The following MUC5B variants were observed in gnomAD, a reference collection of about 807,000 sequenced individuals.
MUC5B encodes the protein mucin 5B, oligomeric mucus/gel-forming.
A neutral mutation model predicts 376.9 loss-of-function variants in MUC5B; 116 were observed. The observed-to-expected ratio is 0.31, with a 90% CI of 0.26 to 0.36. The LOEUF is 0.36. Among genes scored for constraint, MUC5B ranks in the 10% least tolerant of loss-of-function variants. The pLI is 1.00. For missense variants in MUC5B, 7,165 were observed against 7,769.9 expected, an observed-to-expected ratio of 0.92 and a Z score of 2.93; for synonymous variants, 3,517 against 3,390.9, an observed-to-expected ratio of 1.04 and a Z score of -1.29.
chr11:1,241,331 C>G lies in MUC5B; in HGVS notation c.4451C>G (p.Thr1484Ser), dbSNP rs1258679617. ...IRSTAALTSQ[T>S]GSSSGPVTVT... ...TCGACGGCGGCCCTCACCTCGCAGA[C>G]TGGGTCCAGCTCAGGCCCCGTGACG... The change falls in exon 31 of 49, where the codon ACT becomes AGT. Residue 1484 changes from threonine to serine, a missense_variant. Physicochemically the swap from Thr to Ser is moderately conservative, Grantham distance 58. This residue lies in a region of MUC5B where 517 missense variants were observed against 545.3 expected (regional missense o/e 0.95). Transcript: ENST00000529681. 4.3e-6 allele frequency: 7 copies of G among 1,610,234 alleles called. No homozygotes were observed. Among genetic ancestry groups the G allele is most frequent in the Non-Finnish European group, 5.9e-6 (7 of 1,178,248 alleles).
Position 1,254,119 on chromosome 11 carries a change from A to T in MUC5B, c.15245A>T (p.His5082Leu). The change falls in exon 34 of 49, where the codon CAC (histidine) becomes CTC (leucine). Residue 5082 changes from histidine (H) to leucine (L), a missense_variant. Physicochemically the swap from His to Leu is moderately conservative, Grantham distance 99 (BLOSUM62 -3). Around this residue, in one of 31 missense-constraint regions of MUC5B, gnomAD observed 842 missense variants for 1,016.9 expected, o/e 0.83. Transcript: ENST00000529681. ...ATCTGCAGCATGTGGGGCGGCTCCCACTATTCCACCTTTGACGGCACCTCT... is the reference window on the plus strand; with the variant it reads ...ATCTGCAGCATGTGGGGCGGCTCCCTCTATTCCACCTTTGACGGCACCTCT... The part of the protein sequence containing the change: ...ECICSMWGGS[H>L]YSTFDGTSYT... The T allele has an allele frequency of 6.2e-7, 1 of 1,612,518 alleles. No homozygotes were observed. The highest frequency in any genetic ancestry group is 1.1e-5 in the South Asian group (1 of 91,078).
At chr11:1,252,291 G>A in intron 31 of MUC5B, 52 bp from the exon 32 acceptor site, 2 of 1,499,240 alleles carry the variant, frequency 1.3e-6, no homozygotes, top group Non-Finnish European at 1.8e-6. Context: ...CAGAACTCTG[G>A]CTTACCCATC....
In MUC5B at chr11:1,227,312, A is replaced by G. The variant is rs760074740; in HGVS notation, c.581A>G (p.Glu194Gly). 18 of 1,612,326 alleles carry G rather than the reference A, an allele frequency of 1.1e-5. No homozygotes were observed. Among genetic ancestry groups the G allele is most frequent in the Non-Finnish European group, 1.4e-5 (16 of 1,179,586 alleles). Residue 194 changes from glutamate (E) to glycine (G), a missense_variant, in exon 6 of 49, where the codon GAG becomes GGG. Physicochemically the swap from Glu to Gly is moderately conservative, Grantham distance 98. Coordinates refer to ENST00000529681, the MANE Select transcript of MUC5B (RefSeq NM_002458.3). ...LWNGEDSALL[E>G]LDPKYANQTC... Reference sequence around the variant, plus strand: ...GCTGCCCCTCCCCACTCTCAGCTGGAGCTGGATCCCAAATACGCCAACCAG... The same window carrying G: ...GCTGCCCCTCCCCACTCTCAGCTGGGGCTGGATCCCAAATACGCCAACCAG...
At chr11:1,232,318 C>A (rs1271433447) in intron 15 of MUC5B, 132 bp from the exon 16 acceptor site, 16 of 1,332,262 alleles carry the variant, frequency 1.2e-5, no homozygotes, top group Non-Finnish European at 1.6e-5. Flanking sequence ...GCGGCCAGAA[C>A]CCCCCAAGGC....
At chr11:1,232,235 G>A (rs982991649) in intron 15 of MUC5B, 75 bp downstream of exon 15, 23 of 1,473,138 alleles carry the variant, frequency 1.6e-5, no homozygotes, top group African/African-American at 7.0e-5. Flanking sequence ...CCTGGGCCAC[G>A]GGGACCCCTG....
In MUC5B at chr11:1,256,214, C is replaced by T. The variant is rs752130273; in HGVS notation, c.16125C>T (p.Thr5375=). The T allele has an allele frequency of 1.4e-6, 1 of 730,182 alleles. No homozygotes were observed. The highest frequency in any genetic ancestry group is 1.5e-5 in the South Asian group (1 of 68,382). The allele number at this position is 730,182 out of a possible 1,614,324, so 45.2% of individuals were successfully genotyped here. A position where few individuals can be genotyped will look rare whatever the true frequency, so the allele number is the denominator to read the frequency against. ...CATGCGGCCCCATACAGCCTGCCAC[C>T]TGCAACTCTAGGTAAGTACAGGGAT... ...YKPCGPIQPA[T]CNSRNQSPQL... The change falls in exon 38 of 49, where the codon ACC becomes ACT. Residue 5375 remains threonine, a synonymous_variant. Coordinates refer to ENST00000529681, the MANE Select transcript of MUC5B (RefSeq NM_002458.3).
At position 1,228,531 on chromosome 11, in the gene MUC5B, G is replaced by A; in HGVS notation, c.775-33G>A. 2.7e-6 allele frequency: 4 copies of A among 1,486,716 alleles called. No individual in the cohort carries two copies. The South Asian group carries it at 5.1e-5, about 19-fold the overall frequency. 92.1% of individuals were successfully genotyped at this position (1,486,716 alleles called of 1,614,324 possible). A position where few individuals can be genotyped will look rare whatever the true frequency, so the allele number is the denominator to read the frequency against. ...ACCGTGGCAGCCCCCATGGATGGCA[G>A]GGGTGCCCAGCCTGGCCCACTGTGC... On this transcript the variant is annotated intron_variant, in intron 7 of 48. Coordinates refer to ENST00000529681, the MANE Select transcript of MUC5B (RefSeq NM_002458.3).
Position 1,239,820 on chromosome 11 carries a change from C to G in MUC5B, c.3605C>G (p.Pro1202Arg). Residue 1202 changes from proline to arginine, a missense_variant, in exon 28 of 49, where the codon CCC (proline) becomes CGC (arginine). Pro to Arg is a moderately radical substitution (Grantham distance 103). Coordinates refer to ENST00000529681, the MANE Select transcript of MUC5B (RefSeq NM_002458.3). The stretch of plus-strand genomic sequence containing the variant: ...CTAGGCTGCTACCCGAAGTGCCCAC[C>G]CAGCCAGCCCTTCTTCAATGAGGAC... Reference protein sequence around the residue: ...GLEGCYPKCPPSQPFFNEDQM... With the variant: ...GLEGCYPKCPRSQPFFNEDQM... 1 of 1,611,842 alleles carries G rather than the reference C, an allele frequency of 6.2e-7. No homozygotes were observed. The highest frequency in any genetic ancestry group is 8.5e-7 in the Non-Finnish European group (1 of 1,179,148).
chr11:1,233,065 T>A lies in MUC5B; in HGVS notation c.2118T>A (p.Asp706Glu), dbSNP rs201270236. 7.2e-5 allele frequency: 115 copies of A among 1,606,020 alleles called. 1 individual carries two copies. The African/African-American group carries it at 1.3e-3, about 18-fold the overall frequency. The change falls in exon 18 of 49, where the codon GAT becomes GAA. Residue 706 changes from aspartate (D) to glutamate (E), a missense_variant. This residue lies in a region of MUC5B where 530 missense variants were observed against 604.0 expected (regional missense o/e 0.88). Transcript: ENST00000529681. ...CCCAGCGCTACGCCTACGTGGTGGA[T>A]GCCTGCCAGCCCACTTGCCGCGGCC... ...PKSQRYAYVV[D>E]ACQPTCRGLS...
At chr11:1,230,205 C>T (rs1861991964) in intron 11 of MUC5B, 62 bp downstream of exon 11, 1 of 1,523,710 alleles carries the variant, frequency 6.6e-7, no homozygotes, top group Non-Finnish European at 8.8e-7. Context: ...ATGCCACTTC[C>T]ACCCAGGGGA....
At chr11:1,225,848 C>G in intron 2 of MUC5B, 111 bp downstream of exon 2, 1 of 1,051,080 alleles carries the variant, frequency 9.5e-7, no homozygotes, top group South Asian at 1.5e-5. Flanking sequence ...GACAGAGACC[C>G]TCCCTGGGTC....
Position 1,242,062 on chromosome 11 carries a change from C to T in MUC5B, c.5182C>T (p.Arg1728Cys), listed in dbSNP as rs373593113. 2.8e-5 allele frequency: 45 copies of T among 1,601,228 alleles called. No individual in the cohort carries two copies. The highest frequency in any genetic ancestry group is 5.2e-5 in the Admixed American group (3 of 57,266). ...APTTMATSRA[R>C]PTGTASTASK... ...AACAACAATGGCAACCTCCAGAGCT[C>T]GCCCGACAGGCACAGCCAGCACCGC... The change falls in exon 31 of 49, where the codon CGC becomes TGC. Residue 1728 changes from arginine to cysteine, a missense_variant. Arg to Cys is a radical substitution (Grantham distance 180, BLOSUM62 -3). Coordinates refer to ENST00000529681, the MANE Select transcript of MUC5B (RefSeq NM_002458.3).
intron 14 of MUC5B, 48 bp downstream of exon 14, chr11:1,231,608 C>A (rs1298853193): frequency 2.0e-6 from 3 of 1,524,178 alleles, no homozygotes; most frequent in East Asian, 2.5e-5. Flanking sequence ...GGGGACGGGG[C>A]CTGGACTAGC....
chr11:1,230,002 C>T lies in MUC5B; in HGVS notation c.1221-3C>T, dbSNP rs767545186. ...CGGTTCTGCTCACGGCCTCCCTCCC[C>T]AGCACCTGCTCCGGGGGGCTATGGC... On this transcript the variant is annotated splice_polypyrimidine_tract_variant and splice_region_variant and intron_variant, in intron 10 of 48. Transcript: ENST00000529681. 8.2e-6 allele frequency: 13 copies of T among 1,590,674 alleles called. No homozygotes were observed. The African/African-American group carries it at 1.2e-4, about 15-fold the overall frequency.
At chr11:1,240,129 G>C in intron 29 of MUC5B, 41 bp downstream of exon 29, 1 of 1,566,696 alleles carries the variant, frequency 6.4e-7, no homozygotes, top group Non-Finnish European at 8.7e-7. Context: ...GTGAAGGCTG[G>C]GGCCAGGGGC....
At chr11:1,232,974 C>T (rs368648508) in intron 17 of MUC5B, 39 bp from the exon 18 acceptor site, 27 of 1,521,302 alleles carry the variant, frequency 1.8e-5, no homozygotes, top group Non-Finnish European at 1.9e-5. Flanking sequence ...CCAGGCTGCT[C>T]GGCCGCTGAC....
chr11:1,233,879 G>T, intron 19 of MUC5B, 31 bp downstream of exon 19: 3 of 1,550,492 alleles, frequency 1.9e-6, no homozygotes, highest in Non-Finnish European at 1.7e-6. Flanking sequence ...GCCCTGCCCT[G>T]CCCCGCCCCG....
Position 1,241,936 on chromosome 11 carries a change from C to T in MUC5B, c.5056C>T (p.Pro1686Ser), listed in dbSNP as rs767233473. The T allele has an allele frequency of 9.3e-6, 15 of 1,607,350 alleles. No individual in the cohort carries two copies. The highest frequency in any genetic ancestry group is 1.3e-5 in the Non-Finnish European group (15 of 1,177,270). ...TPAGSTEPTV[P>S]GVATSTLPTR... ...TGCAGGCTCCACAGAACCCACTGTC[C>T]CAGGGGTGGCCACATCCACCCTTCC... The change falls in exon 31 of 49, where the codon CCA (proline) becomes TCA (serine). Residue 1686 changes from proline to serine, a missense_variant. Physicochemically the swap from Pro to Ser is moderately conservative, Grantham distance 74. Coordinates refer to ENST00000529681, the MANE Select transcript of MUC5B (RefSeq NM_002458.3).
At position 1,232,442 on chromosome 11, in the gene MUC5B, C is replaced by T; in HGVS notation, c.1844-8C>T. On this transcript the variant is annotated splice_polypyrimidine_tract_variant and splice_region_variant and intron_variant, in intron 15 of 48. Coordinates refer to ENST00000529681, the MANE Select transcript of MUC5B (RefSeq NM_002458.3). ...GGGCGTGGAGATGAGGTCAGGTCTT[C>T]CCCACAGAGAACTACGCCCGGCACT... 1 of 1,599,678 alleles carries T rather than the reference C, an allele frequency of 6.3e-7. No individual in the cohort carries two copies.
Sources: allele counts gnomAD v4.1 joint callset, GRCh38; gene constraint gnomAD v4.1.1; regional missense constraint gnomAD v4.1.1; transcripts MANE v1.5; gene names NCBI Gene and HGNC (gene_info 2026-07-23, HGNC 2026-07-21).